PRKCB: variants seen among roughly 807,000 people sequenced by gnomAD.
The protein encoded by PRKCB is protein kinase C beta.
In PRKCB, 13 loss-of-function variants were observed where a neutral mutation model predicts 81.5. The observed-to-expected ratio is 0.16, with a 90% CI of 0.10 to 0.25. PRKCB has a LOEUF of 0.25. Ranked by LOEUF, PRKCB falls within the 10% of genes least tolerant of loss-of-function variation. PRKCB has a pLI of 1.00. For synonymous variants in PRKCB, 335 were observed against 321.4 expected (o/e 1.04, Z -0.45); for missense variants, 509 against 875.7 (o/e 0.58, Z 5.29).
chr16:24,042,608 A>T (rs1248323320), intron 5 of PRKCB, among the ~76,000 whole-genome samples: 3 of 152,110 alleles, frequency 2.0e-5, no homozygotes, highest in Non-Finnish European at 4.4e-5. Context: ...TTTCAAAGTA[A>T]ACTGCAGACA....
At chr16:24,192,523 T>A (rs1967809473) in intron 16 of PRKCB, among the ~76,000 whole-genome samples, 1 of 152,186 alleles carries the variant, frequency 6.6e-6, no homozygotes, top group South Asian at 2.1e-4. Context: ...AGAGGTGAGA[T>A]GCATAACTCA....
chr16:24,198,824 G>T (rs984798188), intron 16 of PRKCB, among the ~76,000 whole-genome samples: 1 of 152,182 alleles, frequency 6.6e-6, no homozygotes, highest in Non-Finnish European at 1.5e-5. Context: ...AGGGCTTGAG[G>T]AGTACAACCT....
intron 2 of PRKCB, among the ~76,000 whole-genome samples, chr16:23,848,140 T>C (rs1275427154): frequency 3.3e-5 from 5 of 152,022 alleles, no homozygotes; most frequent in African/African-American, 1.2e-4. Context: ...GAGGAGCAGG[T>C]GGGAGGTGAA....
chr16:23,943,301 G>C (rs1168303923), intron 2 of PRKCB, among the ~76,000 whole-genome samples: 1 of 152,194 alleles, frequency 6.6e-6, no homozygotes, highest in Admixed American at 6.5e-5. Flanking sequence ...GAGATGGGAA[G>C]ATCACTTGAG....
chr16:24,183,679 A>G (rs1430469622), intron 13 of PRKCB, among the ~76,000 whole-genome samples: 8 of 152,240 alleles, frequency 5.3e-5, no homozygotes, highest in Non-Finnish European at 1.2e-4. Flanking sequence ...ATTCATCCTC[A>G]CATAACTTCA....
At chr16:23,955,301 G>A (rs189876) in intron 2 of PRKCB, among the ~76,000 whole-genome samples, 84,125 of 151,778 alleles carry the variant, frequency 0.55, 23,960 homozygotes, top group Non-Finnish European at 0.63. Flanking sequence ...AGCCATTCAC[G>A]TGTGTATTAT....
At chr16:23,960,057 C>T (rs748756782) in intron 2 of PRKCB, among the ~76,000 whole-genome samples, 28 of 152,050 alleles carry the variant, frequency 1.8e-4, no homozygotes, top group Non-Finnish European at 2.1e-4. Flanking sequence ...GCATGTCAGG[C>T]TGTGGAAGCA....
chr16:23,976,421 A>T (rs1225400956), intron 2 of PRKCB, among the ~76,000 whole-genome samples: 1 of 152,104 alleles, frequency 6.6e-6, no homozygotes, highest in African/African-American at 2.4e-5. Context: ...AAAGTCCTGA[A>T]GCTGATTCTC....
chr16:24,183,013 C>T lies in PRKCB; in HGVS notation c.1533+2085C>T, dbSNP rs144828563. Among the ~76,000 whole-genome samples the T allele has an allele frequency of 5.8e-3, 876 of 152,064 alleles. 5 individuals carry two copies. Among genetic ancestry groups the T allele is most frequent in the African/African-American group, 0.02 (812 of 41,454 alleles). On this transcript the variant is annotated intron_variant, in intron 13 of 16. Coordinates refer to ENST00000643927, the MANE Select transcript of PRKCB (RefSeq NM_002738.7). ...CTGGGACTACAGGTGCCCATCACCA[C>T]GCCCAGCTAATTTTTTTTGTATTTT...
intron 16 of PRKCB, among the ~76,000 whole-genome samples, chr16:24,198,247 T>A (rs576958854): frequency 5.9e-5 from 9 of 152,344 alleles, no homozygotes; most frequent in Non-Finnish European, 1.0e-4. Flanking sequence ...TTGAAATGCC[T>A]AATGGAGAGT....
At chr16:24,068,648 A>G (rs1327725511) in intron 5 of PRKCB, among the ~76,000 whole-genome samples, 1 of 152,242 alleles carries the variant, frequency 6.6e-6, no homozygotes, top group Non-Finnish European at 1.5e-5. Flanking sequence ...AATATAAAAT[A>G]CAAAATAGAT....
chr16:23,871,254 G>A (rs1346616002), intron 2 of PRKCB, among the ~76,000 whole-genome samples: 2 of 152,176 alleles, frequency 1.3e-5, no homozygotes, highest in African/African-American at 4.8e-5. Context: ...AGCCTGCCAT[G>A]CTGGCTCCTT....
At chr16:24,013,552 A>G (rs1260896148) in intron 3 of PRKCB, among the ~76,000 whole-genome samples, 2 of 152,188 alleles carry the variant, frequency 1.3e-5, no homozygotes, top group African/African-American at 2.4e-5. Flanking sequence ...CGCTTGGAAC[A>G]GTGCCTGGCA....
chr16:24,181,771 C>CAAAAAAAAAAAAAA lies in PRKCB; in HGVS notation c.1533+850_1533+863dup. 1.5e-3 allele frequency among the ~76,000 whole-genome samples: 37 copies of CAAAAAAAAAAAAAA among 24,532 alleles called. 1 individual carries two copies. Among genetic ancestry groups the CAAAAAAAAAAAAAA allele is most frequent in the Admixed American group, 1.9e-3 (3 of 1,618 alleles). 16.1% of individuals were successfully genotyped at this position (24,532 alleles called of 152,430 possible). A position where few individuals can be genotyped will look rare whatever the true frequency, so the allele number is the denominator to read the frequency against. On this transcript the variant is annotated intron_variant, in intron 13 of 16. Coordinates refer to ENST00000643927, the MANE Select transcript of PRKCB (RefSeq NM_002738.7). ...TGGGTGACACAGTAAGACCCTGTCT[C>CAAAAAAAAAAAAAA]AAAAAAAAAAAAAAAAAAAAGAAGA...
At chr16:23,923,334 G>A (rs924702065) in intron 2 of PRKCB, among the ~76,000 whole-genome samples, 3 of 151,936 alleles carry the variant, frequency 2.0e-5, no homozygotes, top group Non-Finnish European at 4.4e-5. Context: ...CCTCATCAAG[G>A]TGAGATGGCT....
At chr16:24,157,975 A>G (rs1401539707) in intron 10 of PRKCB, among the ~76,000 whole-genome samples, 3 of 152,196 alleles carry the variant, frequency 2.0e-5, no homozygotes, top group Non-Finnish European at 4.4e-5. Flanking sequence ...AGGCCTTCCC[A>G]TGTGGAGACC....
Position 23,951,429 on chromosome 16 carries a change from T to C in PRKCB, c.206-37079T>C, listed in dbSNP as rs150239588. On this transcript the variant is annotated intron_variant, in intron 2 of 16. Coordinates refer to ENST00000643927, the MANE Select transcript of PRKCB (RefSeq NM_002738.7). ...CGTATTACTTTGTCAATTTTTCTAG[T>C]GGCTTTTTTATTTGAGACAGGGTCT... 4.9e-3 allele frequency among the ~76,000 whole-genome samples: 739 copies of C among 152,302 alleles called. 3 individuals are homozygous for C. Among genetic ancestry groups the C allele is most frequent in the Middle Eastern group, 0.01 (3 of 294 alleles).
chr16:24,107,612 G>C (rs1026407084), intron 7 of PRKCB, among the ~76,000 whole-genome samples: 2 of 152,212 alleles, frequency 1.3e-5, no homozygotes, highest in Non-Finnish European at 2.9e-5. Flanking sequence ...TCCTCTCTGA[G>C]GGGGCACACG....
At chr16:23,935,492 C>T (rs1186118652) in intron 2 of PRKCB, among the ~76,000 whole-genome samples, 1 of 152,144 alleles carries the variant, frequency 6.6e-6, no homozygotes, top group Non-Finnish European at 1.5e-5. Context: ...CCCAAAGGAG[C>T]ATACAATTAA....
Sources: allele counts gnomAD v4.1 joint callset (sites outside exome capture counted in the v4.1 genomes callset), GRCh38; gene constraint gnomAD v4.1.1; transcripts MANE v1.5; gene names NCBI Gene and HGNC (gene_info 2026-07-23, HGNC 2026-07-21).